C19orf38: variants seen among roughly 807,000 people sequenced by gnomAD.
C19orf38 encodes chromosome 19 open reading frame 38.
In C19orf38, 14 loss-of-function variants were observed where a neutral mutation model predicts 26.6. The ratio of observed to expected loss-of-function variants is 0.53; its 90% CI spans 0.35 to 0.82. The LOEUF (loss-of-function observed/expected upper bound fraction) is 0.82. Among genes scored for constraint, C19orf38 ranks in the 40% least tolerant of loss-of-function variants. The probability of loss-of-function intolerance (pLI) is 0.01; values close to 1 mark genes in which losing one functional copy is unlikely to be tolerated. For synonymous variants in C19orf38, 132 were observed against 128.5 expected (o/e 1.03, Z -0.18); for missense variants, 261 against 299.5 (o/e 0.87, Z 0.95).
rs747633543 is a variant in C19orf38 at position 10,853,031 on chromosome 19, T to C, written c.340+2464T>C. 4.7e-5 allele frequency among the ~76,000 whole-genome samples: 7 copies of C among 148,968 alleles called. No individual in the cohort carries two copies. The South Asian group carries it at 6.4e-4, about 14-fold the overall frequency. Reference sequence around the variant, plus strand: ...TTCAAGATCAGCCTGGGCAACATAGTGAGACCCTGTCTCTACAAAAAAAAA... The same window carrying C: ...TTCAAGATCAGCCTGGGCAACATAGCGAGACCCTGTCTCTACAAAAAAAAA... On this transcript the variant is annotated intron_variant, in intron 2 of 6. Transcript: ENST00000397820.
intron 2 of C19orf38, among the ~76,000 whole-genome samples, chr19:10,853,213 C>T (rs2073590661): frequency 6.6e-6 from 1 of 151,990 alleles, no homozygotes; most frequent in Non-Finnish European, 1.5e-5. Flanking sequence ...CAGCCGTGCA[C>T]CACCACGCCT....
intron 1 of C19orf38, chr19:10,842,103 A>G: frequency 6.3e-7 from 1 of 1,580,790 alleles, no homozygotes; most frequent in African/African-American, 1.3e-5. Context: ...TCCCGTAGGT[A>G]ATGCTGCTGT....
chr19:10,849,766 A>G (rs1051516034), intron 1 of C19orf38, among the ~76,000 whole-genome samples: 2 of 152,118 alleles, frequency 1.3e-5, no homozygotes, highest in South Asian at 2.1e-4. Flanking sequence ...AACCAATGCT[A>G]TTATTGAAAA....
At chr19:10,869,153 G>A in intron 6 of C19orf38, 65 bp from the exon 7 acceptor site, 1 of 1,537,584 alleles carries the variant, frequency 6.5e-7, no homozygotes, top group Non-Finnish European at 8.8e-7. Flanking sequence ...CTCAGAACAT[G>A]GAGAAACCCT....
intron 1 of C19orf38, chr19:10,841,776 T>C (rs2146238743): frequency 1.1e-6 from 1 of 890,750 alleles, no homozygotes; most frequent in Non-Finnish European, 1.8e-6. Context: ...AGTTCCCGAC[T>C]AGCCTGGGCA....
At chr19:10,863,469 G>A (rs2146275297) in intron 6 of C19orf38, among the ~76,000 whole-genome samples, 1 of 152,296 alleles carries the variant, frequency 6.6e-6, no homozygotes, top group Non-Finnish European at 1.5e-5. Flanking sequence ...TTGGTGGTAT[G>A]TCCTGGCCTG....
intron 1 of C19orf38, among the ~76,000 whole-genome samples, chr19:10,848,914 A>C (rs1364457526): frequency 1.3e-5 from 2 of 151,862 alleles, no homozygotes; most frequent in African/African-American, 4.8e-5. Context: ...AGGCTGGACG[A>C]GGGAGGGTTT....
At chr19:10,859,387 T>A (rs1480044449) in intron 4 of C19orf38, among the ~76,000 whole-genome samples, 29 of 29,550 alleles carry the variant, frequency 9.8e-4, no homozygotes, top group East Asian at 9.0e-3. Flanking sequence ...TATATATATT[T>A]TTTTTTTTTT....
intron 2 of C19orf38, 98 bp from the exon 3 acceptor site, chr19:10,856,167 T>G: frequency 1.1e-6 from 1 of 911,176 alleles, no homozygotes; most frequent in Non-Finnish European, 1.7e-6. Context: ...TGCATTCATG[T>G]TCTTTGGTTG....
chr19:10,853,346 A>G (rs1490908874), intron 2 of C19orf38, among the ~76,000 whole-genome samples: 1 of 151,876 alleles, frequency 6.6e-6, no homozygotes, highest in Non-Finnish European at 1.5e-5. Context: ...CTCCTGCCTC[A>G]GCCTCTCGAG....
intron 5 of C19orf38, 132 bp downstream of exon 5, chr19:10,860,090 C>A: frequency 1.1e-6 from 1 of 892,058 alleles, no homozygotes; most frequent in Non-Finnish European, 1.8e-6. Context: ...ACACCCTCGC[C>A]ACCTCTTCCC....
At chr19:10,851,477 A>G (rs1415404334) in intron 2 of C19orf38, among the ~76,000 whole-genome samples, 1 of 152,026 alleles carries the variant, frequency 6.6e-6, no homozygotes, top group Non-Finnish European at 1.5e-5. Context: ...AGTAGCTGAG[A>G]CTACAGGTGT....
intron 1 of C19orf38, among the ~76,000 whole-genome samples, chr19:10,841,192 A>G (rs59542652): frequency 0.3 from 45,833 of 151,900 alleles, 7,114 homozygotes; most frequent in East Asian, 0.57. Flanking sequence ...AAACTTCTCT[A>G]GCTGGACCCT....
At position 10,851,961 on chromosome 19, in the gene C19orf38, C is replaced by T. The variant is rs2073576997; in HGVS notation, c.340+1394C>T. 5.2e-5 allele frequency among the ~76,000 whole-genome samples: 7 copies of T among 133,338 alleles called. No individual in the cohort carries two copies. The South Asian group carries it at 9.2e-4, about 18-fold the overall frequency. 87.5% of individuals were successfully genotyped at this position (133,338 alleles called of 152,430 possible). A position where few individuals can be genotyped will look rare whatever the true frequency, so the allele number is the denominator to read the frequency against. On this transcript the variant is annotated intron_variant, in intron 2 of 6. Coordinates refer to ENST00000397820, the MANE Select transcript of C19orf38 (RefSeq NM_001136482.3). ...CCGCAGTCCGGCCTGGGCGACAGAG[C>T]GAGACTCCGTCTCAAAAAAAAAAAA...
At chr19:10,856,824 ACT>A (rs2073630944) in intron 3 of C19orf38, among the ~76,000 whole-genome samples, 2 of 135,548 alleles carry the variant, frequency 1.5e-5, no homozygotes, top group Admixed American at 1.5e-4. Flanking sequence ...TTATTTGGAG[ACT>A]CAGTCTGTCA....
intron 4 of C19orf38, among the ~76,000 whole-genome samples, chr19:10,858,604 G>A (rs1041897559): frequency 1.1e-4 from 17 of 152,168 alleles, no homozygotes; most frequent in Admixed American, 9.8e-4. Context: ...AGAGGACTGA[G>A]GCTCAGCACT....
chr19:10,857,366 A>ATATATTTTTTTTTTT (rs1433358051), intron 3 of C19orf38, among the ~76,000 whole-genome samples: 1 of 56,102 alleles, frequency 1.8e-5, no homozygotes, highest in African/African-American at 1.7e-4. Flanking sequence ...ATATATATAT[A>ATATATTTTTTTTTTT]TTTTTTTTTT....
intron 6 of C19orf38, among the ~76,000 whole-genome samples, chr19:10,868,723 CTCGAA>C (rs2073775517): frequency 1.3e-5 from 2 of 152,112 alleles, no homozygotes; most frequent in Admixed American, 1.3e-4. Flanking sequence ...CCAGGCTGGT[CTCGAA>C]CTCCTGACCT....
intron 2 of C19orf38, among the ~76,000 whole-genome samples, chr19:10,852,854 A>G (rs971265993): frequency 6.6e-6 from 1 of 151,918 alleles, no homozygotes; most frequent in Non-Finnish European, 1.5e-5. Context: ...GAGGCTGGAC[A>G]TGGGTTATGG....
Sources: gnomAD v4.1 joint callset for allele counts (sites outside exome capture counted in the v4.1 genomes callset) on GRCh38, gnomAD v4.1.1 for gene constraint, MANE v1.5 for transcripts, NCBI Gene and HGNC (gene_info 2026-07-23, HGNC 2026-07-21) for gene names.